The following TRIM71 variants were observed in gnomAD, a reference collection of about 807,000 sequenced individuals.
The protein encoded by TRIM71 is tripartite motif containing 71.
Under a neutral mutation model 61.2 loss-of-function variants are expected in TRIM71, and 9 were observed. The observed-to-expected ratio is 0.15, with a 90% CI of 0.09 to 0.26. TRIM71 has a LOEUF of 0.26. Ranked by LOEUF, TRIM71 falls within the 10% of genes least tolerant of loss-of-function variation. The pLI is 1.00. For synonymous variants in TRIM71, 645 were observed against 553.2 expected (o/e 1.17, Z -2.33); for missense variants, 998 against 1,238.7 (o/e 0.81, Z 2.92).
chr3:32,844,096 C>T (rs1027134972), intron 1 of TRIM71, among the ~76,000 whole-genome samples: 8 of 152,220 alleles, frequency 5.3e-5, no homozygotes, highest in East Asian at 1.9e-4. Flanking sequence ...TGCTTTCTCG[C>T]GTCGTCGTTA....
At chr3:32,865,353 AAAAC>A (rs926525354) in intron 1 of TRIM71, among the ~76,000 whole-genome samples, 8 of 152,102 alleles carry the variant, frequency 5.3e-5, no homozygotes, top group African/African-American at 1.4e-4. Context: ...CAAGCAAACA[AAAAC>A]AAACCAAAAA....
rs561960774 is a variant in TRIM71 at position 32,846,171 on chromosome 3, G to T, written c.852+27239G>T. Among the ~76,000 whole-genome samples the T allele has an allele frequency of 2.7e-5, 4 of 149,770 alleles. No homozygotes were observed. In the South Asian group the frequency reaches 8.4e-4, roughly 32 times the overall value. ...GCTCGCTGCAAGCTCCGCCTCCCGG[G>T]TTCACAGGATTCTCCTGCCTCAGCC... is the stretch of plus-strand genomic sequence containing the variant. On this transcript the variant is annotated intron_variant, in intron 1 of 3. Transcript: ENST00000383763.
chr3:32,877,570 A>G lies in TRIM71; in HGVS notation c.1020+3585A>G, dbSNP rs1395404820. Among the ~76,000 whole-genome samples, 4 of 151,832 alleles carry G rather than the reference A, an allele frequency of 2.6e-5. No homozygotes were observed. In the East Asian group the frequency reaches 5.8e-4, roughly 22 times the overall value. ...GGGGCTCGCTTTGTTGTCTAGGCTG[A>G]TCTCACTCAAACTCCTGGCTTCATG... On this transcript the variant is annotated intron_variant, in intron 2 of 3. Coordinates refer to ENST00000383763, the MANE Select transcript of TRIM71 (RefSeq NM_001039111.3).
chr3:32,818,640 C>T lies in TRIM71; in HGVS notation c.560C>T (p.Ser187Phe). 1 of 1,465,766 alleles carries T rather than the reference C, an allele frequency of 6.8e-7. No individual in the cohort carries two copies. Among genetic ancestry groups the T allele is most frequent in the Non-Finnish European group, 8.9e-7 (1 of 1,117,964 alleles). The allele number at this position is 1,465,766 out of a possible 1,614,324, so 90.8% of individuals were successfully genotyped here. ...SRSAPGGPAA[S>F]PSALLLRRPH... ...TCGGCACCCGGCGGCCCTGCCGCTT[C>T]CCCGTCGGCGCTGCTGCTCCGCCGT... Residue 187 changes from serine (S) to phenylalanine (F), a missense_variant, in exon 1 of 4, where the codon TCC (serine) becomes TTC (phenylalanine). This residue lies in a region of TRIM71 where 527 missense variants were observed against 427.8 expected (regional missense o/e 1.23). Coordinates refer to ENST00000383763, the MANE Select transcript of TRIM71 (RefSeq NM_001039111.3).
rs1167369907 is a variant in TRIM71, at chr3:32,890,907, A to G, written c.1703A>G (p.Asn568Ser). 2 of 1,614,114 alleles carry G rather than the reference A, an allele frequency of 1.2e-6. No individual in the cohort carries two copies. Among genetic ancestry groups the G allele is most frequent in the African/African-American group, 1.3e-5 (1 of 74,946 alleles). Residue 568 changes from asparagine (N) to serine (S), a missense_variant, in exon 4 of 4, where the codon AAC becomes AGC. Physicochemically the swap from Asn to Ser is conservative, Grantham distance 46 (BLOSUM62 1). This residue lies in a region of TRIM71 where 291 missense variants were observed against 431.2 expected (regional missense o/e 0.67). Coordinates refer to ENST00000383763, the MANE Select transcript of TRIM71 (RefSeq NM_001039111.3). This position sits in a 1 kb window ranked among gnomAD's most constrained non-coding sequence, Gnocchi z 6.2. ...GEHLVSVTLC[N>S]QHIENSPFKV... The stretch of plus-strand genomic sequence containing the variant: ...CACCTGGTATCTGTGACACTGTGCA[A>G]CCAGCACATTGAGAACAGCCCTTTC...
At chr3:32,848,176 G>T (rs1696496834) in intron 1 of TRIM71, among the ~76,000 whole-genome samples, 1 of 152,152 alleles carries the variant, frequency 6.6e-6, no homozygotes, top group Admixed American at 6.5e-5. Context: ...TAATCTCTTT[G>T]CCTTAGATTT....
At chr3:32,875,049 G>A (rs1696840511) in intron 2 of TRIM71, among the ~76,000 whole-genome samples, 1 of 152,146 alleles carries the variant, frequency 6.6e-6, no homozygotes, top group South Asian at 2.1e-4. Flanking sequence ...TCGAACTCCT[G>A]ACCTCAGGTG....
chr3:32,849,284 C>T (rs1027149185), intron 1 of TRIM71, among the ~76,000 whole-genome samples: 3 of 152,152 alleles, frequency 2.0e-5, no homozygotes, highest in African/African-American at 7.2e-5. Flanking sequence ...AACGCTGGCA[C>T]TGCAGTTTCC....
intron 2 of TRIM71, among the ~76,000 whole-genome samples, chr3:32,884,000 T>A (rs2125691657): frequency 6.6e-6 from 1 of 152,350 alleles, no homozygotes; most frequent in South Asian, 2.1e-4. Flanking sequence ...GCCCTCTGGA[T>A]CTACCCAGTT....
intron 1 of TRIM71, among the ~76,000 whole-genome samples, chr3:32,822,307 C>A (rs545933720): frequency 2.6e-5 from 4 of 152,114 alleles, no homozygotes; most frequent in African/African-American, 9.6e-5. Flanking sequence ...TTTCTGGAGT[C>A]TGGTTGGAAA....
At chr3:32,874,143 G>A (rs1022378122) in intron 2 of TRIM71, among the ~76,000 whole-genome samples, 158 bp downstream of exon 2, 2 of 152,082 alleles carry the variant, frequency 1.3e-5, no homozygotes, top group East Asian at 1.9e-4. Flanking sequence ...CCCTTTAGGG[G>A]TTCTGGCAGT....
chr3:32,821,548 C>T (rs923462602), intron 1 of TRIM71, among the ~76,000 whole-genome samples: 1 of 152,180 alleles, frequency 6.6e-6, no homozygotes, highest in East Asian at 1.9e-4. Flanking sequence ...TGATGATAAC[C>T]TGGAAATCTT....
At chr3:32,884,005 C>T (rs761719509) in intron 2 of TRIM71, among the ~76,000 whole-genome samples, 6 of 152,158 alleles carry the variant, frequency 3.9e-5, no homozygotes, top group Non-Finnish European at 7.3e-5. Context: ...CTGGATCTAC[C>T]CAGTTCCCCT....
chr3:32,834,384 C>G (rs1223451697), intron 1 of TRIM71, among the ~76,000 whole-genome samples: 1 of 152,016 alleles, frequency 6.6e-6, no homozygotes, highest in East Asian at 1.9e-4. Flanking sequence ...GATTGAGATC[C>G]TACAGCTAAA....
intron 1 of TRIM71, among the ~76,000 whole-genome samples, chr3:32,825,247 C>T (rs915726802): frequency 4.6e-5 from 7 of 152,080 alleles, no homozygotes; most frequent in Non-Finnish European, 7.3e-5. Flanking sequence ...AACTAATAAT[C>T]GTGCATATAT....
At chr3:32,883,759 T>C (rs1252811988) in intron 2 of TRIM71, among the ~76,000 whole-genome samples, 1 of 152,162 alleles carries the variant, frequency 6.6e-6, no homozygotes, top group African/African-American at 2.4e-5. Context: ...AAATATAAAA[T>C]TTATAGATTG....
intron 1 of TRIM71, among the ~76,000 whole-genome samples, chr3:32,838,370 T>A (rs1172977894): frequency 6.6e-6 from 1 of 151,900 alleles, no homozygotes; most frequent in Non-Finnish European, 1.5e-5. Context: ...GATTAGAGGC[T>A]TGTGCCACCA....
At position 32,824,029 on chromosome 3, in the gene TRIM71, C is replaced by T. The variant is rs373786954; in HGVS notation, c.852+5097C>T. 2.5e-3 allele frequency among the ~76,000 whole-genome samples: 374 copies of T among 150,974 alleles called. 1 individual carries two copies. The highest frequency in any genetic ancestry group is 7.1e-3 in the African/African-American group (292 of 41,132). ...GGCGGAGGCCGCAGTGATCCGAGAT[C>T]GTGCCGCTGCACTCCAACCTGGGCA... On this transcript the variant is annotated intron_variant, in intron 1 of 3. Coordinates refer to ENST00000383763, the MANE Select transcript of TRIM71 (RefSeq NM_001039111.3).
chr3:32,864,845 G>GGTGTGTGTGTGT (rs10522411), intron 1 of TRIM71, among the ~76,000 whole-genome samples: 7 of 146,442 alleles, frequency 4.8e-5, no homozygotes, highest in South Asian at 2.2e-4. Flanking sequence ...AAAATTAAGT[G>GGTGTGTGTGTGT]GTGTGTGTGT....
Sources: gnomAD v4.1 joint callset for allele counts (sites outside exome capture counted in the v4.1 genomes callset) on GRCh38, gnomAD v4.1.1 for gene constraint, gnomAD v4.1.1 regional missense constraint, Gnocchi (gnomAD v3.1) non-coding constraint, MANE v1.5 for transcripts, NCBI Gene and HGNC (gene_info 2026-07-23, HGNC 2026-07-21) for gene names.